The following DAGLA variants were observed in gnomAD, a reference collection of about 807,000 sequenced individuals.
DAGLA encodes the protein diacylglycerol lipase alpha.
In DAGLA, 22 loss-of-function variants were observed where a neutral mutation model predicts 102.6. The ratio of observed to expected loss-of-function variants is 0.21; its 90% CI spans 0.15 to 0.31. The LOEUF is 0.31. Ranked by LOEUF, DAGLA falls within the 10% of genes least tolerant of loss-of-function variation. DAGLA has a pLI of 1.00. For synonymous variants in DAGLA, 578 were observed against 628.9 expected (o/e 0.92, Z 1.21); for missense variants, 927 against 1,446.6 (o/e 0.64, Z 5.83).
intron 13 of DAGLA, 149 bp downstream of exon 13, chr11:61,736,499 C>T (rs953089630): frequency 1.5e-6 from 1 of 681,280 alleles, no homozygotes; most frequent in South Asian, 1.8e-5. Context: ...TGGCTCCCAA[C>T]CCCTCCTCTT....
At chr11:61,696,973 T>C (rs910771586) in intron 1 of DAGLA, among the ~76,000 whole-genome samples, 2 of 150,906 alleles carry the variant, frequency 1.3e-5, no homozygotes, top group African/African-American at 4.9e-5. Context: ...GGGAGGGAGG[T>C]CACCCATGAC....
chr11:61,734,734 G>T lies in DAGLA; in HGVS notation c.975-115G>T. 2 of 1,003,928 alleles carry T rather than the reference G, an allele frequency of 2.0e-6. No homozygotes were observed. The highest frequency in any genetic ancestry group is 3.0e-6 in the Non-Finnish European group (2 of 668,014). 62.2% of individuals were successfully genotyped at this position (1,003,928 alleles called of 1,614,324 possible). On this transcript the variant is annotated intron_variant, in intron 9 of 19. Coordinates refer to ENST00000257215, the MANE Select transcript of DAGLA (RefSeq NM_006133.3). The surrounding 1 kb of genome is among the most constrained non-coding windows in gnomAD (Gnocchi z 4.2). ...CACTAGGACTTAGCAAGGGCAATTTGGTAGAGGCAGTGGGGCTGAATGCCC... is the reference window on the plus strand; with the variant it reads ...CACTAGGACTTAGCAAGGGCAATTTTGTAGAGGCAGTGGGGCTGAATGCCC...
chr11:61,690,147 A>G (rs953663923), intron 1 of DAGLA, among the ~76,000 whole-genome samples: 5 of 152,214 alleles, frequency 3.3e-5, no homozygotes, highest in Non-Finnish European at 7.3e-5. Context: ...CACCAGCCGT[A>G]TCCAAGTCTC....
Position 61,737,319 on chromosome 11 carries a change from G to A in DAGLA, c.1509G>A (p.Leu503=). Residue 503 remains leucine, a synonymous_variant, in exon 14 of 20, where the codon CTG becomes CTA. Transcript: ENST00000257215. ...TTGCCTACTCCCCGCCAGGGGGCCT[G>A]CTGAGGTGAGCCATCTGGGGCTTCA... ...KCFAYSPPGG[L]LSEDAMEYSK... 1.2e-6 allele frequency: 2 copies of A among 1,610,462 alleles called. No homozygotes were observed. The highest frequency in any genetic ancestry group is 8.5e-7 in the Non-Finnish European group (1 of 1,180,026).
At chr11:61,721,718 T>C (rs574131741) in intron 3 of DAGLA, among the ~76,000 whole-genome samples, 2 of 152,346 alleles carry the variant, frequency 1.3e-5, no homozygotes, top group South Asian at 2.1e-4. Flanking sequence ...CAGCCCCTTC[T>C]GGTCATTTGT....
chr11:61,735,682 G>A, intron 11 of DAGLA, 38 bp downstream of exon 11: 1 of 1,612,398 alleles, frequency 6.2e-7, no homozygotes, highest in Non-Finnish European at 8.5e-7. Flanking sequence ...GGGGGTGCCT[G>A]CCTCCCTCTT....
intron 13 of DAGLA, among the ~76,000 whole-genome samples, chr11:61,736,891 A>G (rs2065427335): frequency 6.6e-6 from 1 of 152,230 alleles, no homozygotes. Context: ...CCAGGTACAG[A>G]TGCAATGACT....
chr11:61,739,437 C>T, intron 16 of DAGLA, 28 bp from the exon 17 acceptor site: 2 of 1,607,452 alleles, frequency 1.2e-6, no homozygotes, highest in South Asian at 2.2e-5. Flanking sequence ...TAGCTCTGTC[C>T]CCATCTCTCC....
At chr11:61,735,209 G>A (rs1048510138) in intron 10 of DAGLA, among the ~76,000 whole-genome samples, 8 of 152,214 alleles carry the variant, frequency 5.3e-5, no homozygotes, top group African/African-American at 1.9e-4. Context: ...CTGGGGCTGG[G>A]AAAGCAGACA....
At chr11:61,715,189 G>A (rs545418779) in intron 1 of DAGLA, among the ~76,000 whole-genome samples, 3 of 152,262 alleles carry the variant, frequency 2.0e-5, no homozygotes, top group East Asian at 3.9e-4. Context: ...GCGACACTGC[G>A]ACCCTGTGTT....
At chr11:61,732,468 G>T (rs1201501756) in intron 9 of DAGLA, among the ~76,000 whole-genome samples, 1 of 152,306 alleles carries the variant, frequency 6.6e-6, no homozygotes, top group Non-Finnish European at 1.5e-5. Flanking sequence ...TGAGCACCAG[G>T]CTCCATTACT....
intron 1 of DAGLA, among the ~76,000 whole-genome samples, chr11:61,701,894 C>A (rs145474182): frequency 0.023 from 3,437 of 152,212 alleles, 126 homozygotes; most frequent in African/African-American, 0.078. Flanking sequence ...CCTGCTTCAG[C>A]CTCCTGAGTA....
At position 61,744,030 on chromosome 11, in the gene DAGLA, C is replaced by T. The variant is rs536215716; in HGVS notation, c.2670C>T (p.Ala890=). 8.7e-6 allele frequency: 14 copies of T among 1,612,306 alleles called. No homozygotes were observed. The highest frequency in any genetic ancestry group is 1.7e-4 in the Middle Eastern group (1 of 6,060). The change falls in exon 20 of 20, where the codon GCC becomes GCT. Residue 890 remains alanine (A), a synonymous_variant. Transcript: ENST00000257215. ...TTGGCGGTGGGGGTGGCGGGCCGGC[C>T]TCCCGCGGGGAGCTGGCGCTGCACA... ...EEVGGGGGGP[A]SRGELALHNG...
At chr11:61,685,949 A>G (rs79104021) in intron 1 of DAGLA, among the ~76,000 whole-genome samples, 3,434 of 152,264 alleles carry the variant, frequency 0.023, 159 homozygotes, top group East Asian at 0.13. Context: ...AGGAGCCATG[A>G]TGGCAGGGCT....
rs756491993 is a variant in DAGLA, at chr11:61,744,198, C to T, written c.2838C>T (p.Tyr946=). 53 of 1,612,918 alleles carry T rather than the reference C, an allele frequency of 3.3e-5. No homozygotes were observed. Among genetic ancestry groups the T allele is most frequent in the East Asian group, 4.5e-5 (2 of 44,888 alleles). ...TGCCCGAGAGCCCCACCAGTGACTA[C>T]GCTGAGGGCCCCAAGTCCCCCAGCC... ...MVVPESPTSD[Y]AEGPKSPSQQ... The change falls in exon 20 of 20, where the codon TAC becomes TAT. Residue 946 remains tyrosine (Y), a synonymous_variant. Transcript: ENST00000257215.
chr11:61,723,299 G>T (rs1359009407), intron 4 of DAGLA, 135 bp from the exon 5 acceptor site: 7 of 1,269,154 alleles, frequency 5.5e-6, no homozygotes, highest in African/African-American at 3.0e-5. Flanking sequence ...ACTGGGACCA[G>T]GGGCTTTGGA....
chr11:61,690,636 A>C (rs1167789211), intron 1 of DAGLA, among the ~76,000 whole-genome samples: 1 of 152,188 alleles, frequency 6.6e-6, no homozygotes, highest in Non-Finnish European at 1.5e-5. Flanking sequence ...CTAGGACCTC[A>C]GCTTCCTTGG....
intron 14 of DAGLA, 96 bp from the exon 15 acceptor site, chr11:61,737,591 G>C: frequency 8.0e-7 from 1 of 1,246,462 alleles, no homozygotes; most frequent in Non-Finnish European, 1.2e-6. Context: ...TCCCAGGAGT[G>C]CAGGAGCAGG....
Position 61,741,320 on chromosome 11 carries a change from G to A in DAGLA, c.2142G>A (p.Pro714=), listed in dbSNP as rs1280029847. 1.6e-5 allele frequency: 26 copies of A among 1,609,802 alleles called. No individual in the cohort carries two copies. The highest frequency in any genetic ancestry group is 2.7e-5 in the African/African-American group (2 of 74,908). The change falls in exon 19 of 20, where the codon CCG becomes CCA. Residue 714 remains proline, a synonymous_variant. Transcript: ENST00000257215. ...CCACTGGCCTTGCCCTGGAGCTGCC[G>A]ACTGCAGACCACCGCAACAGCAGCG... is the stretch of plus-strand genomic sequence containing the variant. ...PMPTGLALEL[P]TADHRNSSVR...
Sources: allele counts gnomAD v4.1 joint callset (sites outside exome capture counted in the v4.1 genomes callset), GRCh38; gene constraint gnomAD v4.1.1; non-coding constraint Gnocchi (gnomAD v3.1); transcripts MANE v1.5; gene names NCBI Gene and HGNC (gene_info 2026-07-23, HGNC 2026-07-21).